ZNF292: variants seen among roughly 807,000 people sequenced by gnomAD.
The protein encoded by ZNF292 is 16 zinc-finger domain protein.
ZNF292 carries 26 observed loss-of-function variants against 217.9 expected under a neutral mutation model. That is an observed-to-expected ratio of 0.12 (90% CI 0.09 to 0.17). The LOEUF is 0.17. ZNF292 is among the 10% of genes least tolerant of loss of function. The pLI is 1.00. For synonymous variants in ZNF292, 1,257 were observed against 1,124.1 expected, an observed-to-expected ratio of 1.12 and a Z score of -2.37; for missense variants, 2,904 against 3,175.2, an observed-to-expected ratio of 0.91 and a Z score of 2.05.
At chr6:87,176,604 C>T (rs1771303834) in intron 1 of ZNF292, among the ~76,000 whole-genome samples, 1 of 152,100 alleles carries the variant, frequency 6.6e-6, no homozygotes, top group Admixed American at 6.5e-5. Flanking sequence ...ATTTACTGAA[C>T]CCTATCACCC....
intron 7 of ZNF292, among the ~76,000 whole-genome samples, chr6:87,252,418 G>A (rs1774967424): frequency 6.6e-6 from 1 of 152,082 alleles, no homozygotes; most frequent in Non-Finnish European, 1.5e-5. Context: ...CTCCCAAAGT[G>A]CAGGGATTAA....
chr6:87,213,337 A>G (rs1772584022), intron 1 of ZNF292, among the ~76,000 whole-genome samples: 1 of 152,188 alleles, frequency 6.6e-6, no homozygotes, highest in Non-Finnish European at 1.5e-5. Context: ...ACAGAAAGGC[A>G]ATTTTTACTT....
At chr6:87,211,596 C>G (rs1772488001) in intron 1 of ZNF292, among the ~76,000 whole-genome samples, 2 of 152,080 alleles carry the variant, frequency 1.3e-5, no homozygotes, top group Admixed American at 1.3e-4. Context: ...CTATAATTTA[C>G]CTAATTACTG....
rs535221777 is a variant in ZNF292, at chr6:87,225,893, A to G, written c.538+7162A>G. Among the ~76,000 whole-genome samples, 7 of 152,302 alleles carry G rather than the reference A, an allele frequency of 4.6e-5. No homozygotes were observed. In the South Asian group the frequency reaches 1.2e-3, roughly 27 times the overall value. On this transcript the variant is annotated intron_variant, in intron 4 of 7. Coordinates refer to ENST00000369577, the MANE Select transcript of ZNF292 (RefSeq NM_015021.3). ...CAGACTTTCCCAAGAAGGTCTCACC[A>G]TGCTCAGTTTTATTGTTCTCAGCAT... is the stretch of plus-strand genomic sequence containing the variant.
chr6:87,196,388 C>T (rs1229031440), intron 1 of ZNF292, among the ~76,000 whole-genome samples: 1 of 152,138 alleles, frequency 6.6e-6, no homozygotes, highest in Non-Finnish European at 1.5e-5. Flanking sequence ...GTTGGTCAGT[C>T]CCCTCTTTTG....
intron 1 of ZNF292, chr6:87,214,911 TC>T (rs911304567): frequency 3.6e-5 from 5 of 140,022 alleles, no homozygotes; most frequent in African/African-American, 1.3e-4. Context: ...ACCCCTTCCC[TC>T]CCTCCAGTTT....
chr6:87,259,335 T>C lies in ZNF292; in HGVS notation c.5706T>C (p.Phe1902=). 1 of 1,613,502 alleles carries C rather than the reference T, an allele frequency of 6.2e-7. No homozygotes were observed. Among genetic ancestry groups the C allele is most frequent in the Non-Finnish European group, 8.5e-7 (1 of 1,179,666 alleles). ...IQFNDKVNKP[F]VCQNQGCNYS... Reference sequence around the variant, plus strand: ...TTAATGACAAAGTTAATAAACCCTTTGTGTGTCAAAACCAAGGCTGTAACT... The same window carrying C: ...TTAATGACAAAGTTAATAAACCCTTCGTGTGTCAAAACCAAGGCTGTAACT... The change falls in exon 8 of 8, where the codon TTT becomes TTC. Residue 1902 remains phenylalanine, a synonymous_variant. Coordinates refer to ENST00000369577, the MANE Select transcript of ZNF292 (RefSeq NM_015021.3).
At chr6:87,211,263 A>C (rs1772471381) in intron 1 of ZNF292, among the ~76,000 whole-genome samples, 1 of 152,202 alleles carries the variant, frequency 6.6e-6, no homozygotes, top group South Asian at 2.1e-4. Context: ...GGAAACAGGA[A>C]AGTGTCTCTT....
intron 4 of ZNF292, among the ~76,000 whole-genome samples, chr6:87,219,761 A>T (rs1401356910): frequency 6.6e-6 from 1 of 152,232 alleles, no homozygotes; most frequent in African/African-American, 2.4e-5. Context: ...TGGATATCCA[A>T]AAATTAGCTA....
chr6:87,216,834 C>CA (rs1442714998), intron 3 of ZNF292, among the ~76,000 whole-genome samples: 1 of 151,988 alleles, frequency 6.6e-6, no homozygotes, highest in African/African-American at 2.4e-5. Context: ...GCTAAGATCA[C>CA]ATAGTAGTTA....
intron 1 of ZNF292, among the ~76,000 whole-genome samples, chr6:87,168,231 A>G (rs984237426): frequency 6.6e-6 from 1 of 152,190 alleles, no homozygotes; most frequent in African/African-American, 2.4e-5. Context: ...GTTAATTCAA[A>G]TTGCCTTGTA....
intron 1 of ZNF292, among the ~76,000 whole-genome samples, chr6:87,203,326 A>G (rs1772147516): frequency 6.6e-6 from 1 of 151,506 alleles, no homozygotes; most frequent in Non-Finnish European, 1.5e-5. Context: ...TATTTTTAGT[A>G]GAGACAGGGT....
At chr6:87,241,417 A>AT (rs34271239) in intron 5 of ZNF292, among the ~76,000 whole-genome samples, 6,068 of 124,638 alleles carry the variant, frequency 0.049, 305 homozygotes, top group African/African-American at 0.11. Flanking sequence ...AAGAGCTTGG[A>AT]TTTTTTTTTT....
chr6:87,222,235 A>C (rs1193002972), intron 4 of ZNF292, among the ~76,000 whole-genome samples: 1 of 152,092 alleles, frequency 6.6e-6, no homozygotes, highest in African/African-American at 2.4e-5. Context: ...GTTCTTCATC[A>C]TAACCATAAA....
At chr6:87,209,113 T>TC (rs1772373944) in intron 1 of ZNF292, among the ~76,000 whole-genome samples, 1 of 124,318 alleles carries the variant, frequency 8.0e-6, no homozygotes, top group Admixed American at 7.8e-5. Context: ...CACCCCCCCC[T>TC]CCCCATTTTC....
At chr6:87,161,724 C>CT (rs1770759998) in intron 1 of ZNF292, among the ~76,000 whole-genome samples, 2 of 152,166 alleles carry the variant, frequency 1.3e-5, no homozygotes, top group African/African-American at 2.4e-5. Context: ...CCTGGTTTTG[C>CT]TTTTTTGTTG....
intron 5 of ZNF292, among the ~76,000 whole-genome samples, chr6:87,241,709 C>T (rs1314673575): frequency 6.6e-6 from 1 of 152,174 alleles, no homozygotes; most frequent in Non-Finnish European, 1.5e-5. Context: ...CGTGAGCCAC[C>T]GTGTCCGGCC....
chr6:87,244,877 A>AT (rs1220047357), intron 6 of ZNF292, among the ~76,000 whole-genome samples: 1 of 152,134 alleles, frequency 6.6e-6, no homozygotes, highest in Non-Finnish European at 1.5e-5. Context: ...GTACACACAC[A>AT]TATCTTGAGC....
intron 5 of ZNF292, 104 bp from the exon 6 acceptor site, chr6:87,243,371 A>G: frequency 1.0e-6 from 1 of 985,966 alleles, no homozygotes; most frequent in East Asian, 3.0e-5. Context: ...ATGGCATTTT[A>G]TTCATAAAAA....
Sources: gnomAD v4.1 joint callset for allele counts (sites outside exome capture counted in the v4.1 genomes callset) on GRCh38, gnomAD v4.1.1 for gene constraint, MANE v1.5 for transcripts, NCBI Gene and HGNC (gene_info 2026-07-23, HGNC 2026-07-21) for gene names.